CMC2: variants seen among roughly 807,000 people sequenced by gnomAD.
CMC2 encodes the protein C-X9-C motif containing 2, also known as COX assembly mitochondrial protein 2 homolog.
A neutral mutation model predicts 7.5 loss-of-function variants in CMC2; 5 were observed. The observed-to-expected ratio is 0.66, with a 90% CI of 0.35 to 1.40. The LOEUF is 1.40. CMC2 is among the 40% of genes most tolerant of loss of function. The pLI, the probability that CMC2 is intolerant of heterozygous loss-of-function variation, is 0.04. For synonymous variants in CMC2, 37 were observed against 31.4 expected, an observed-to-expected ratio of 1.18 and a Z score of -0.60; for missense variants, 115 against 92.3, an observed-to-expected ratio of 1.25 and a Z score of -1.01.
At chr16:80,990,997 G>A (rs1362277688) in intron 2 of CMC2, among the ~76,000 whole-genome samples, 2 of 150,140 alleles carry the variant, frequency 1.3e-5, no homozygotes, top group Non-Finnish European at 2.9e-5. Flanking sequence ...AAAGTGCTGG[G>A]ATTACAGGAC....
At chr16:80,989,093 G>C (rs1477420825) in intron 2 of CMC2, among the ~76,000 whole-genome samples, 1 of 152,084 alleles carries the variant, frequency 6.6e-6, no homozygotes, top group East Asian at 1.9e-4. Context: ...ACCTAGGTAA[G>C]AAGCTACCTG....
chr16:80,977,919 A>G (rs1040391630), intron 3 of CMC2, among the ~76,000 whole-genome samples: 2 of 152,152 alleles, frequency 1.3e-5, no homozygotes, highest in African/African-American at 4.8e-5. Context: ...TGAAAATACA[A>G]AAATTAGCAG....
At position 80,968,496 on chromosome 16, in the gene CMC2, C is replaced by G. The variant is rs535814311; in HGVS notation, c.*7597G>C. The G allele has an allele frequency of 1.3e-4, 20 of 152,312 alleles. No homozygotes were observed. Among genetic ancestry groups the G allele is most frequent in the African/African-American group, 4.1e-4 (17 of 41,556 alleles). The allele number at this position is 152,312 out of a possible 1,614,324, so 9.4% of individuals were successfully genotyped here. A position where few individuals can be genotyped will look rare whatever the true frequency, so the allele number is the denominator to read the frequency against. On this transcript the variant is annotated 3_prime_UTR_variant, in exon 4 of 4. Coordinates refer to ENST00000219400, the MANE Select transcript of CMC2 (RefSeq NM_020188.5). Reference sequence around the variant, plus strand: ...TGAACAGAAGATGCTCTTATAACTCCTCTCTTTGCCATGCCCTCCCCAACT... The same window carrying G: ...TGAACAGAAGATGCTCTTATAACTCGTCTCTTTGCCATGCCCTCCCCAACT...
At chr16:80,986,771 G>C (rs1214407454) in intron 2 of CMC2, among the ~76,000 whole-genome samples, 1 of 152,254 alleles carries the variant, frequency 6.6e-6, no homozygotes, top group Non-Finnish European at 1.5e-5. Flanking sequence ...GTTTTAAAAA[G>C]AGATAAGATA....
At position 80,976,178 on chromosome 16, in the gene CMC2, T is replaced by C; in HGVS notation, c.155A>G (p.Tyr52Cys). ...CCTGCTCTTGGTCCTGTTTTCTACGTACTGAAAAATAAAAGAAGGGGGGGA... is the reference window on the plus strand; with the variant it reads ...CCTGCTCTTGGTCCTGTTTTCTACGCACTGAAAAATAAAAGAAGGGGGGGA... ...RELRKCLKNE[Y>C]VENRTKSREH... The change falls in exon 4 of 4, where the codon TAC (tyrosine) becomes TGC (cysteine). Residue 52 changes from tyrosine (Y) to cysteine (C), a missense_variant and splice_region_variant. Coordinates refer to ENST00000219400, the MANE Select transcript of CMC2 (RefSeq NM_020188.5). 1 of 1,549,510 alleles carries C rather than the reference T, an allele frequency of 6.5e-7. No individual in the cohort carries two copies. The highest frequency in any genetic ancestry group is 1.1e-5 in the South Asian group (1 of 87,400).
intron 3 of CMC2, chr16:80,980,645 T>A: frequency 2.1e-6 from 1 of 470,150 alleles, no homozygotes. Flanking sequence ...GTCCCAGCAC[T>A]TTGGGAGGCC....
intron 1 of CMC2, among the ~76,000 whole-genome samples, chr16:81,002,571 T>C (rs151231023): frequency 0.013 from 1,922 of 152,344 alleles, 24 homozygotes; most frequent in Middle Eastern, 0.031. Flanking sequence ...AACAAGCTTA[T>C]GATGTACTGA....
chr16:81,006,303 C>G (rs554926842), intron 1 of CMC2, among the ~76,000 whole-genome samples: 50 of 152,382 alleles, frequency 3.3e-4, no homozygotes, highest in African/African-American at 1.1e-3. Flanking sequence ...CCCCCGTTTT[C>G]TACCCGCAAA....
chr16:81,000,357 G>GAAAAAAA (rs1211351894), intron 1 of CMC2, among the ~76,000 whole-genome samples: 5 of 152,094 alleles, frequency 3.3e-5, no homozygotes, highest in Non-Finnish European at 4.4e-5. Flanking sequence ...TTAGCCGGGT[G>GAAAAAAA]TGGTGGCGGG....
chr16:80,966,606 T>C lies in CMC2; in HGVS notation c.*9487A>G, dbSNP rs1321642323. Reference sequence around the variant, plus strand: ...ACCAATTTCAAAACAATATTATTTTTATTATAAAGTTTTACTTTTTTTGCA... The same window carrying C: ...ACCAATTTCAAAACAATATTATTTTCATTATAAAGTTTTACTTTTTTTGCA... On this transcript the variant is annotated 3_prime_UTR_variant, in exon 4 of 4. Coordinates refer to ENST00000219400, the MANE Select transcript of CMC2 (RefSeq NM_020188.5). 1.3e-5 allele frequency: 2 copies of C among 152,218 alleles called. No homozygotes were observed. The highest frequency in any genetic ancestry group is 4.8e-5 in the African/African-American group (2 of 41,452). The allele number at this position is 152,218 out of a possible 1,614,324, so 9.4% of individuals were successfully genotyped here.
intron 1 of CMC2, among the ~76,000 whole-genome samples, chr16:81,004,861 T>G (rs1323945132): frequency 6.6e-6 from 1 of 152,230 alleles, no homozygotes. Flanking sequence ...GCCAGCGCTG[T>G]ATTAACTCTA....
intron 2 of CMC2, among the ~76,000 whole-genome samples, chr16:80,995,130 A>G (rs556675395): frequency 8.5e-5 from 13 of 152,114 alleles, no homozygotes; most frequent in Non-Finnish European, 1.9e-4. Flanking sequence ...TGGGTGACAG[A>G]GCGAGACTCT....
chr16:80,982,157 G>A (rs1567510393), intron 2 of CMC2, among the ~76,000 whole-genome samples: 1 of 151,990 alleles, frequency 6.6e-6, no homozygotes, highest in Non-Finnish European at 1.5e-5. Context: ...AACTACCATA[G>A]CCTAGAAATA....
intron 2 of CMC2, among the ~76,000 whole-genome samples, chr16:80,985,422 T>C (rs548675924): frequency 5.3e-5 from 8 of 152,194 alleles, no homozygotes; most frequent in Admixed American, 2.0e-4. Context: ...GCAATGCAAT[T>C]CTTTTCGCTT....
chr16:80,995,856 T>C (rs1968375880), intron 2 of CMC2, among the ~76,000 whole-genome samples: 2 of 152,160 alleles, frequency 1.3e-5, no homozygotes, highest in African/African-American at 4.8e-5. Flanking sequence ...CATGGGTATC[T>C]ATATATGACA....
intron 1 of CMC2, among the ~76,000 whole-genome samples, chr16:81,004,643 C>T (rs1440796856): frequency 1.3e-5 from 2 of 152,194 alleles, no homozygotes; most frequent in Non-Finnish European, 1.5e-5. Context: ...AGCTAAGGGG[C>T]CCATAAGGGC....
chr16:80,997,546 C>G lies in CMC2; in HGVS notation c.-35-117G>C. ...GAGAAGTATGTTAACCATTAACCAGCTGTGTGACCTCAGGCAAATTATTAA... is the reference window on the plus strand; with the variant it reads ...GAGAAGTATGTTAACCATTAACCAGGTGTGTGACCTCAGGCAAATTATTAA... On this transcript the variant is annotated intron_variant, in intron 1 of 3. Transcript: ENST00000219400. The G allele has an allele frequency of 7.4e-6, 4 of 540,962 alleles. No homozygotes were observed. In the South Asian group the frequency reaches 1.0e-4, roughly 14 times the overall value. The allele number at this position is 540,962 out of a possible 1,614,324, so 33.5% of individuals were successfully genotyped here.
Position 80,967,982 on chromosome 16 carries a change from T to A in CMC2, c.*8111A>T, listed in dbSNP as rs1251023091. On this transcript the variant is annotated 3_prime_UTR_variant, in exon 4 of 4. Transcript: ENST00000219400. Reference sequence around the variant, plus strand: ...TAAGAACTTTTCTCAAAAACTTAAATACAAAAGTTATTTGAGGAAACTGCT... The same window carrying A: ...TAAGAACTTTTCTCAAAAACTTAAAAACAAAAGTTATTTGAGGAAACTGCT... 1.3e-5 allele frequency: 2 copies of A among 152,094 alleles called. No homozygotes were observed. The highest frequency in any genetic ancestry group is 2.4e-5 in the African/African-American group (1 of 41,398). The allele number at this position is 152,094 out of a possible 1,614,324, so 9.4% of individuals were successfully genotyped here. A position where few individuals can be genotyped will look rare whatever the true frequency, so the allele number is the denominator to read the frequency against.
intron 2 of CMC2, among the ~76,000 whole-genome samples, chr16:80,992,800 T>G (rs1032768242): frequency 6.6e-6 from 1 of 151,260 alleles, no homozygotes; most frequent in African/African-American, 2.4e-5. Context: ...TAAGTGATCC[T>G]ACTACCTCAA....
Sources: allele counts gnomAD v4.1 joint callset (sites outside exome capture counted in the v4.1 genomes callset), GRCh38; gene constraint gnomAD v4.1.1; transcripts MANE v1.5; gene names NCBI Gene and HGNC (gene_info 2026-07-23, HGNC 2026-07-21).